The following ZNF750 variants were observed in gnomAD, a reference collection of about 807,000 sequenced individuals.
ZNF750 encodes protein ZNF750.
A neutral mutation model predicts 31.6 loss-of-function variants in ZNF750; 10 were observed. That is an observed-to-expected ratio of 0.32 (90% confidence interval 0.19 to 0.54). The LOEUF is 0.54. ZNF750 is among the 20% of genes least tolerant of loss of function. ZNF750 has a pLI of 0.95. For synonymous variants in ZNF750, 400 were observed against 404.9 expected (o/e 0.99, Z 0.15); for missense variants, 914 against 934.9 (o/e 0.98, Z 0.29).
chr17:82,834,090 G>A (rs2053754596), intron 1 of ZNF750, among the ~76,000 whole-genome samples: 1 of 152,234 alleles, frequency 6.6e-6, no homozygotes, highest in Non-Finnish European at 1.5e-5. Context: ...AATTACAGGC[G>A]CCCACCACCA....
chr17:82,830,901 T>G, intron 2 of ZNF750, 24 bp from the exon 3 acceptor site: 1 of 1,612,606 alleles, frequency 6.2e-7, no homozygotes, highest in Non-Finnish European at 8.5e-7. Flanking sequence ...AGAAAAAGCT[T>G]AGTAGGAGCT....
At chr17:82,836,039 G>A (rs891390549) in intron 1 of ZNF750, among the ~76,000 whole-genome samples, 5 of 152,216 alleles carry the variant, frequency 3.3e-5, no homozygotes, top group African/African-American at 1.2e-4. Context: ...CCGGGTCAAG[G>A]CCAAGCAAAT....
Position 82,831,592 on chromosome 17 carries a change from G to A in ZNF750, c.863C>T (p.Pro288Leu), listed in dbSNP as rs35653278. Residue 288 changes from proline to leucine, a missense_variant, in exon 2 of 3, where the codon CCG becomes CTG. Transcript: ENST00000269394. The surrounding 1 kb of genome is among the most constrained non-coding windows in gnomAD (Gnocchi z 4.6). ...AGCCAGGTGCTTAGGGATCGGCCCC[G>A]GGTGAGGCAGGAAGTGTCTCGGGTC... ...TQDPRHFLPH[P>L]GPIPKHLAPS... 0.09 allele frequency: 145,632 copies of A among 1,614,130 alleles called. 7,861 individuals carry two copies. The highest frequency in any genetic ancestry group is 0.11 in the Non-Finnish European group (126,619 of 1,179,992).
chr17:82,832,830 C>G lies in ZNF750; in HGVS notation c.-182-194G>C, dbSNP rs1299575954. On this transcript the variant is annotated intron_variant, in intron 1 of 2. Transcript: ENST00000269394. The surrounding 1 kb of genome is among the most constrained non-coding windows in gnomAD (Gnocchi z 4.9). ...CCCTTGGTAACCTGGCTGCTGACTC[C>G]CCACCGTGTTTTCTGTTTTCTGAGT... Among the ~76,000 whole-genome samples the G allele has an allele frequency of 2.6e-5, 4 of 152,202 alleles. No individual in the cohort carries two copies. The highest frequency in any genetic ancestry group is 9.6e-5 in the African/African-American group (4 of 41,454).
In ZNF750 at chr17:82,831,990, G is replaced by A. The variant is rs1369500800; in HGVS notation, c.465C>T (p.Gly155=). 5.0e-6 allele frequency: 8 copies of A among 1,612,804 alleles called. No homozygotes were observed. Among genetic ancestry groups the A allele is most frequent in the East Asian group, 4.5e-5 (2 of 44,866 alleles). The change falls in exon 2 of 3, where the codon GGC becomes GGT. Residue 155 remains glycine, a synonymous_variant. Coordinates refer to ENST00000269394, the MANE Select transcript of ZNF750 (RefSeq NM_024702.3). The surrounding 1 kb of genome is among the most constrained non-coding windows in gnomAD (Gnocchi z 4.6). ...AALGAQPALE[G]AARPSAFVPV... is the part of the protein sequence containing the mutation. ...GAACAAATGCAGAAGGCCGAGCTGC[G>A]CCTTCCAGAGCAGGCTGGGCACCGA...
At chr17:82,838,867 C>T (rs936351857) in intron 1 of ZNF750, 8 of 985,420 alleles carry the variant, frequency 8.1e-6, no homozygotes, top group African/African-American at 1.7e-5. Flanking sequence ...TTACAGTCGC[C>T]GCCTCATCCT....
chr17:82,830,476 C>T lies in ZNF750; in HGVS notation c.1838G>A (p.Gly613Asp). 3 of 1,613,226 alleles carry T rather than the reference C, an allele frequency of 1.9e-6. No individual in the cohort carries two copies. Among genetic ancestry groups the T allele is most frequent in the Non-Finnish European group, 1.7e-6 (2 of 1,179,726 alleles). ...TGCGTCTGGAGCCTCCTCGCCGGGG[C>T]CTGTGGGTGGGGCCCCGTCACCGTC... ...SLDGDGAPPT[G>D]PGEEAPDACA... The change falls in exon 3 of 3, where the codon GGC (glycine) becomes GAC (aspartate). Residue 613 changes from glycine (G) to aspartate (D), a missense_variant. By Grantham distance (94) the Gly-to-Asp change is moderately conservative. Coordinates refer to ENST00000269394, the MANE Select transcript of ZNF750 (RefSeq NM_024702.3).
Position 82,829,947 on chromosome 17 carries a change from C to G in ZNF750, c.*195G>C. On this transcript the variant is annotated 3_prime_UTR_variant, in exon 3 of 3. Coordinates refer to ENST00000269394, the MANE Select transcript of ZNF750 (RefSeq NM_024702.3). ...GTTTTTACAACCAAAAGTAGAAGCA[C>G]CTTTTAATATTCATGCTTAATATTT... 2 of 884,754 alleles carry G rather than the reference C, an allele frequency of 2.3e-6. No homozygotes were observed. Among genetic ancestry groups the G allele is most frequent in the Non-Finnish European group, 3.4e-6 (2 of 595,576 alleles). The allele number at this position is 884,754 out of a possible 1,614,324, so 54.8% of individuals were successfully genotyped here.
At position 82,830,511 on chromosome 17, in the gene ZNF750, T is replaced by C; in HGVS notation, c.1803A>G (p.Pro601=). 6.2e-7 allele frequency: 1 copy of C among 1,613,658 alleles called. No homozygotes were observed. Among genetic ancestry groups the C allele is most frequent in the South Asian group, 1.1e-5 (1 of 91,082 alleles). ...GGGCCCCGTCACCGTCGAGGCTGCC[T>C]GGCTTGGTCTCAGGGTGGCTGGGCC... The part of the protein sequence containing the change: ...EDGPSHPETK[P]GSLDGDGAPP... The change falls in exon 3 of 3, where the codon CCA becomes CCG. Residue 601 remains proline, a synonymous_variant. Coordinates refer to ENST00000269394, the MANE Select transcript of ZNF750 (RefSeq NM_024702.3).
In ZNF750 at chr17:82,830,179, C is replaced by G; in HGVS notation, c.2135G>C (p.Arg712Thr). Residue 712 changes from arginine (R) to threonine (T), a missense_variant, in exon 3 of 3, where the codon AGA becomes ACA. Coordinates refer to ENST00000269394, the MANE Select transcript of ZNF750 (RefSeq NM_024702.3). ...GGCCCTCCTTCGTAGTGTGAACACT[C>G]TGGCCGTGTCCTGCAGCTTCGCCTT... ...AKKAKLQDTA[R>T]VFTLRRRARV... is the part of the protein sequence containing the mutation. 5 of 1,614,226 alleles carry G rather than the reference C, an allele frequency of 3.1e-6. No individual in the cohort carries two copies. The highest frequency in any genetic ancestry group is 4.2e-6 in the Non-Finnish European group (5 of 1,180,054).
In ZNF750 at chr17:82,830,477, C is replaced by T; in HGVS notation, c.1837G>A (p.Gly613Ser). Residue 613 changes from glycine to serine, a missense_variant, in exon 3 of 3, where the codon GGC becomes AGC. Physicochemically the swap from Gly to Ser is moderately conservative, Grantham distance 56 (BLOSUM62 0). Transcript: ENST00000269394. ...SLDGDGAPPT[G>S]PGEEAPDACA... ...GCGTCTGGAGCCTCCTCGCCGGGGC[C>T]TGTGGGTGGGGCCCCGTCACCGTCG... 4 of 1,613,292 alleles carry T rather than the reference C, an allele frequency of 2.5e-6. No individual in the cohort carries two copies. Among genetic ancestry groups the T allele is most frequent in the Non-Finnish European group, 3.4e-6 (4 of 1,179,736 alleles).
chr17:82,829,960 A>C lies in ZNF750; in HGVS notation c.*182T>G. 1.0e-6 allele frequency: 1 copy of C among 986,848 alleles called. No homozygotes were observed. The highest frequency in any genetic ancestry group is 1.5e-6 in the Non-Finnish European group (1 of 686,212). 61.1% of individuals were successfully genotyped at this position (986,848 alleles called of 1,614,324 possible). A position where few individuals can be genotyped will look rare whatever the true frequency, so the allele number is the denominator to read the frequency against. On this transcript the variant is annotated 3_prime_UTR_variant, in exon 3 of 3. Coordinates refer to ENST00000269394, the MANE Select transcript of ZNF750 (RefSeq NM_024702.3). ...AAAGTAGAAGCACCTTTTAATATTC[A>C]TGCTTAATATTTATAAAAACTGAAT...
chr17:82,839,093 T>G (rs2054237659), intron 1 of ZNF750: 1 of 579,952 alleles, frequency 1.7e-6, no homozygotes, highest in Admixed American at 6.3e-5. Flanking sequence ...GGTTTGGTTT[T>G]GTTTTCGAAA....
At chr17:82,838,976 C>T (rs2054224689) in intron 1 of ZNF750, 3 of 985,204 alleles carry the variant, frequency 3.0e-6, no homozygotes, top group Non-Finnish European at 3.6e-6. Flanking sequence ...AATTGTTCTC[C>T]TCCAAATCAA....
intron 1 of ZNF750, 83 bp downstream of exon 1, chr17:82,839,844 T>C (rs1427497252): frequency 2.0e-5 from 3 of 152,260 alleles, no homozygotes; most frequent in African/African-American, 4.8e-5. Flanking sequence ...GAGCAAACGC[T>C]GCGTTCAGCT....
At chr17:82,839,475 C>G (rs928074077) in intron 1 of ZNF750, among the ~76,000 whole-genome samples, 2 of 151,156 alleles carry the variant, frequency 1.3e-5, no homozygotes. Flanking sequence ...TGTACATACA[C>G]CACACATATA....
rs2053715665 is a variant in ZNF750 at position 82,833,766 on chromosome 17, G to A, written c.-182-1130C>T. On this transcript the variant is annotated intron_variant, in intron 1 of 2. Coordinates refer to ENST00000269394, the MANE Select transcript of ZNF750 (RefSeq NM_024702.3). This position sits in a 1 kb window ranked among gnomAD's most constrained non-coding sequence, Gnocchi z 4.7. ...AAGCTGTCCTGGCCCTTAACCTTTA[G>A]GGAGTGGGTTCAGCCCTCTGGCCAC... 6.6e-6 allele frequency among the ~76,000 whole-genome samples: 1 copy of A among 152,162 alleles called. No individual in the cohort carries two copies. The highest frequency in any genetic ancestry group is 2.1e-4 in the South Asian group (1 of 4,828).
chr17:82,838,934 G>T, intron 1 of ZNF750: 1 of 985,378 alleles, frequency 1.0e-6, no homozygotes, highest in Non-Finnish European at 1.2e-6. Context: ...AAAATTAGGG[G>T]CACAGATGTG....
Position 82,830,887 on chromosome 17 carries a change from G to A in ZNF750, c.1437-10C>T, listed in dbSNP as rs751560778. The A allele has an allele frequency of 6.2e-7, 1 of 1,612,618 alleles. No homozygotes were observed. Among genetic ancestry groups the A allele is most frequent in the Non-Finnish European group, 8.5e-7 (1 of 1,180,028 alleles). ...GTTCACAACATTGAGGCTAGAAGAA[G>A]CCAAGAAAAAGCTTAGTAGGAGCTT... On this transcript the variant is annotated splice_polypyrimidine_tract_variant and intron_variant, in intron 2 of 2. Transcript: ENST00000269394.
Sources: gnomAD v4.1 joint callset for allele counts (sites outside exome capture counted in the v4.1 genomes callset) on GRCh38, gnomAD v4.1.1 for gene constraint, Gnocchi (gnomAD v3.1) non-coding constraint, MANE v1.5 for transcripts, NCBI Gene and HGNC (gene_info 2026-07-23, HGNC 2026-07-21) for gene names.